Variants in LRRFIP1 observed in about 807,000 individuals in gnomAD.
The protein encoded by LRRFIP1 is leucine-rich repeat flightless-interacting protein 1.
A neutral mutation model predicts 104.4 loss-of-function variants in LRRFIP1; 62 were observed. The ratio of observed to expected loss-of-function variants is 0.59; its 90% CI spans 0.48 to 0.73. The LOEUF (loss-of-function observed/expected upper bound fraction) is 0.73, where lower values mean the gene tolerates loss of function less well. Among genes scored for constraint, LRRFIP1 ranks in the 30% least tolerant of loss-of-function variants. The probability of loss-of-function intolerance (pLI) is 0.00; values close to 1 mark genes in which losing one functional copy is unlikely to be tolerated. For synonymous variants in LRRFIP1, 300 were observed against 299.0 expected (o/e 1.00, Z -0.03); for missense variants, 796 against 824.5 (o/e 0.97, Z 0.42).
Position 237,749,300 on chromosome 2 carries a change from C to T in LRRFIP1, c.771C>T (p.Thr257=), listed in dbSNP as rs149501881. Residue 257 remains threonine, a synonymous_variant, in exon 13 of 24, where the codon ACC becomes ACT. Transcript: ENST00000308482. ...GAGACACCTCCATCTCCATCGACACCGAGGCATCCATCAGGGAAATCAAGG... is the reference window on the plus strand; with the variant it reads ...GAGACACCTCCATCTCCATCGACACTGAGGCATCCATCAGGGAAATCAAGG... ...GSGDTSISID[T]EASIREIKEL... is the part of the protein sequence containing the mutation. 95 of 1,613,694 alleles carry T rather than the reference C, an allele frequency of 5.9e-5. No individual in the cohort carries two copies. Among genetic ancestry groups the T allele is most frequent in the South Asian group, 4.6e-4 (42 of 91,036 alleles).
chr2:237,714,500 T>G (rs2094244785), intron 3 of LRRFIP1, among the ~76,000 whole-genome samples: 1 of 152,266 alleles, frequency 6.6e-6, no homozygotes, highest in African/African-American at 2.4e-5. Flanking sequence ...TGAATGCTTT[T>G]GTCATCTGCA....
chr2:237,697,677 G>A (rs576032688), intron 1 of LRRFIP1, among the ~76,000 whole-genome samples: 3 of 152,298 alleles, frequency 2.0e-5, no homozygotes, highest in African/African-American at 7.2e-5. Flanking sequence ...AAATGTTTTT[G>A]TGAAACCCTA....
chr2:237,683,761 A>G (rs934499679), intron 1 of LRRFIP1, among the ~76,000 whole-genome samples: 2 of 152,148 alleles, frequency 1.3e-5, no homozygotes, highest in African/African-American at 4.8e-5. Context: ...GGATTTCTGT[A>G]CCTTCAGCTG....
intron 2 of LRRFIP1, among the ~76,000 whole-genome samples, chr2:237,710,345 A>T (rs1045300319): frequency 6.6e-6 from 1 of 151,238 alleles, no homozygotes; most frequent in Non-Finnish European, 1.5e-5. Context: ...GTGCAGTGGC[A>T]TGATCTTGGC....
Position 237,662,900 on chromosome 2 carries a change from C to G in LRRFIP1, c.96+35160C>G, listed in dbSNP as rs1173926172. Among the ~76,000 whole-genome samples, 3 of 152,132 alleles carry G rather than the reference C, an allele frequency of 2.0e-5. 1 individual carries two copies. The highest frequency in any genetic ancestry group is 4.4e-5 in the Non-Finnish European group (3 of 68,026). On this transcript the variant is annotated intron_variant, in intron 1 of 23. Coordinates refer to ENST00000308482, the MANE Select transcript of LRRFIP1 (RefSeq NM_001137550.2). ...ATGACGGCACCCAGGCATTACCGCT[C>G]CTTTCCACGGCAATGACCCAGTGAT...
At chr2:237,773,043 T>A (rs2060784498) in intron 22 of LRRFIP1, 98 bp downstream of exon 22, 2 of 934,918 alleles carry the variant, frequency 2.1e-6, no homozygotes, top group Non-Finnish European at 3.4e-6. Context: ...AGCCGAGATT[T>A]TTAGAACCAA....
intron 1 of LRRFIP1, among the ~76,000 whole-genome samples, chr2:237,667,401 G>A (rs1038574270): frequency 1.3e-5 from 2 of 152,128 alleles, no homozygotes; most frequent in East Asian, 3.8e-4. Flanking sequence ...CTTTTTTATG[G>A]TTGCATAGTA....
intron 1 of LRRFIP1, among the ~76,000 whole-genome samples, chr2:237,705,548 C>T (rs2093761019): frequency 1.3e-5 from 2 of 151,998 alleles, no homozygotes; most frequent in South Asian, 2.1e-4. Context: ...CCTGTAGTGC[C>T]AGCTACTTGG....
chr2:237,700,462 G>A lies in LRRFIP1; in HGVS notation c.97-8082G>A, dbSNP rs2093453467. Among the ~76,000 whole-genome samples the A allele has an allele frequency of 2.6e-5, 4 of 152,314 alleles. No homozygotes were observed. In the South Asian group the frequency reaches 8.3e-4, roughly 32 times the overall value. On this transcript the variant is annotated intron_variant, in intron 1 of 23. Transcript: ENST00000308482. ...TCCAAAAAGGTTATAAACTAGACTG[G>A]TGATGTATCATGGGGCCTAGAAAAA...
Position 237,641,496 on chromosome 2 carries a change from CAA to C in LRRFIP1, c.96+13774_96+13775del, listed in dbSNP as rs10645424. On this transcript the variant is annotated intron_variant, in intron 1 of 23. Coordinates refer to ENST00000308482, the MANE Select transcript of LRRFIP1 (RefSeq NM_001137550.2). ...TGGGCAACAGAGTAAGACTCTGTCT[CAA>C]AAAAAAAAAAAAAAAAATTGTGTTC... 2.5e-3 allele frequency among the ~76,000 whole-genome samples: 301 copies of C among 121,962 alleles called. 1 individual carries two copies. The highest frequency in any genetic ancestry group is 8.2e-3 in the African/African-American group (271 of 33,086). 80.0% of individuals were successfully genotyped at this position (121,962 alleles called of 152,430 possible). A position where few individuals can be genotyped will look rare whatever the true frequency, so the allele number is the denominator to read the frequency against.
intron 1 of LRRFIP1, among the ~76,000 whole-genome samples, chr2:237,695,275 G>A (rs190848555): frequency 3.5e-4 from 54 of 152,226 alleles, no homozygotes; most frequent in Non-Finnish European, 5.0e-4. Flanking sequence ...ATCCCACAGC[G>A]GAAGCCTCCT....
chr2:237,712,242 A>G (rs1361535984), intron 2 of LRRFIP1, among the ~76,000 whole-genome samples: 1 of 152,180 alleles, frequency 6.6e-6, no homozygotes, highest in African/African-American at 2.4e-5. Flanking sequence ...AGATTTGACC[A>G]GATACAAAGC....
At chr2:237,778,867 A>C (rs1039284458) in intron 23 of LRRFIP1, among the ~76,000 whole-genome samples, 2 of 151,806 alleles carry the variant, frequency 1.3e-5, no homozygotes, top group African/African-American at 2.4e-5. Context: ...CAGTGAGCCA[A>C]GATCACACCG....
intron 1 of LRRFIP1, among the ~76,000 whole-genome samples, chr2:237,659,573 T>A (rs998216678): frequency 4.0e-5 from 6 of 148,168 alleles, no homozygotes; most frequent in Non-Finnish European, 7.4e-5. Flanking sequence ...ATATATAATT[T>A]TATATATATT....
At chr2:237,777,419 T>C (rs1240986950) in intron 23 of LRRFIP1, among the ~76,000 whole-genome samples, 1 of 152,226 alleles carries the variant, frequency 6.6e-6, no homozygotes, top group Non-Finnish European at 1.5e-5. Context: ...ATTCCCTGTT[T>C]TTGTTTGTAC....
chr2:237,738,369 G>A (rs896001224), intron 10 of LRRFIP1, among the ~76,000 whole-genome samples: 17 of 152,208 alleles, frequency 1.1e-4, no homozygotes, highest in Non-Finnish European at 1.9e-4. Flanking sequence ...CCAGCAGAGG[G>A]TTCTGTGCCC....
At chr2:237,704,621 C>T (rs1355709953) in intron 1 of LRRFIP1, among the ~76,000 whole-genome samples, 1 of 152,150 alleles carries the variant, frequency 6.6e-6, no homozygotes, top group Non-Finnish European at 1.5e-5. Context: ...CAAGAATTGC[C>T]TGTAAGCTAA....
intron 1 of LRRFIP1, among the ~76,000 whole-genome samples, chr2:237,633,485 A>G (rs1390554593): frequency 6.7e-6 from 1 of 149,836 alleles, no homozygotes; most frequent in Non-Finnish European, 1.5e-5. Flanking sequence ...CTCTTGAGCC[A>G]CTCGTTGGCC....
At chr2:237,719,747 T>C (rs2094471615) in intron 5 of LRRFIP1, among the ~76,000 whole-genome samples, 180 bp downstream of exon 5, 1 of 152,208 alleles carries the variant, frequency 6.6e-6, no homozygotes, top group South Asian at 2.1e-4. Flanking sequence ...GACTATGAAC[T>C]TAGCTTTTAG....
Sources: allele counts gnomAD v4.1 joint callset (sites outside exome capture counted in the v4.1 genomes callset), GRCh38; gene constraint gnomAD v4.1.1; transcripts MANE v1.5; gene names NCBI Gene and HGNC (gene_info 2026-07-23, HGNC 2026-07-21).